PROM1: variants seen among roughly 807,000 people sequenced by gnomAD.
The protein encoded by PROM1 is prominin 1.
PROM1 carries 105 observed loss-of-function variants against 116.9 expected under a neutral mutation model. That is an observed-to-expected ratio of 0.90 (90% CI 0.77 to 1.06). The LOEUF (loss-of-function observed/expected upper bound fraction) is 1.06. Among genes scored for constraint, PROM1 ranks in the 50% least tolerant of loss-of-function variants. The pLI, the probability that PROM1 is intolerant of heterozygous loss-of-function variation, is 0.00. For synonymous variants in PROM1, 393 were observed against 387.0 expected, an observed-to-expected ratio of 1.02 and a Z score of -0.18; for missense variants, 1,122 against 1,045.2, an observed-to-expected ratio of 1.07 and a Z score of -1.01.
chr4:16,066,146 T>C (rs972775925), intron 2 of PROM1, among the ~76,000 whole-genome samples: 11 of 152,190 alleles, frequency 7.2e-5, no homozygotes, highest in Non-Finnish European at 1.3e-4. Flanking sequence ...CACAGAAGAA[T>C]ACACTTCTGC....
chr4:16,033,281 T>C, intron 5 of PROM1, 23 bp downstream of exon 5: 1 of 1,578,228 alleles, frequency 6.3e-7, no homozygotes, highest in East Asian at 2.2e-5. Context: ...ACACAATCAG[T>C]TGTTGTCCAA....
chr4:16,010,013 G>T (rs1726513547), intron 11 of PROM1, among the ~76,000 whole-genome samples: 1 of 144,610 alleles, frequency 6.9e-6, no homozygotes, highest in South Asian at 2.2e-4. Flanking sequence ...CAAACAAACA[G>T]AAAAACACAA....
At chr4:15,984,613 T>A (rs1345698388) in intron 22 of PROM1, among the ~76,000 whole-genome samples, 8 of 152,138 alleles carry the variant, frequency 5.3e-5, no homozygotes. Flanking sequence ...GCTCCTCATC[T>A]CTTATGTTAC....
chr4:15,979,332 T>TGA, intron 26 of PROM1, 63 bp downstream of exon 26: 1 of 1,609,938 alleles, frequency 6.2e-7, no homozygotes, highest in Non-Finnish European at 8.5e-7. Flanking sequence ...AATTCAGTGC[T>TGA]GATCTATAGG....
At chr4:16,033,702 G>A (rs1413103954) in intron 4 of PROM1, among the ~76,000 whole-genome samples, 193 bp from the exon 5 acceptor site, 1 of 147,808 alleles carries the variant, frequency 6.8e-6, no homozygotes, top group Non-Finnish European at 1.5e-5. Context: ...CGATTCTTGG[G>A]CCTCAGCCTC....
chr4:16,012,922 A>C (rs1389200561), intron 11 of PROM1, among the ~76,000 whole-genome samples: 1 of 151,916 alleles, frequency 6.6e-6, no homozygotes, highest in African/African-American at 2.4e-5. Context: ...TTTGTTTAGA[A>C]AATATAATAA....
chr4:16,073,512 G>A (rs1054616112), intron 2 of PROM1, among the ~76,000 whole-genome samples: 1 of 152,130 alleles, frequency 6.6e-6, no homozygotes, highest in Non-Finnish European at 1.5e-5. Context: ...GTAACTAGGT[G>A]AAAGAATACA....
chr4:16,001,288 G>A (rs1723784003), intron 13 of PROM1, among the ~76,000 whole-genome samples: 1 of 152,194 alleles, frequency 6.6e-6, no homozygotes, highest in South Asian at 2.1e-4. Flanking sequence ...GGAAAGAGAA[G>A]ATGGGCTGGA....
chr4:15,980,555 G>T lies in PROM1; in HGVS notation c.2374-18C>A. ...AACAAATTCTAGGAAAAAAAAATCA[G>T]AAGAATTAAATGTTTGAAGATAAGA... On this transcript the variant is annotated intron_variant, in intron 23 of 27. Coordinates refer to ENST00000447510, the MANE Select transcript of PROM1 (RefSeq NM_006017.3). 1 of 1,403,210 alleles carries T rather than the reference G, an allele frequency of 7.1e-7. No homozygotes were observed. The highest frequency in any genetic ancestry group is 9.7e-7 in the Non-Finnish European group (1 of 1,027,382). 86.9% of individuals were successfully genotyped at this position (1,403,210 alleles called of 1,614,324 possible). A position where few individuals can be genotyped will look rare whatever the true frequency, so the allele number is the denominator to read the frequency against.
chr4:16,050,578 T>C (rs1737636639), intron 2 of PROM1, among the ~76,000 whole-genome samples: 1 of 152,168 alleles, frequency 6.6e-6, no homozygotes, highest in Non-Finnish European at 1.5e-5. Flanking sequence ...GGTCTCGAAC[T>C]CCTGGGCTCA....
intron 2 of PROM1, among the ~76,000 whole-genome samples, chr4:16,046,378 T>C (rs2149447918): frequency 6.6e-6 from 1 of 152,352 alleles, no homozygotes; most frequent in African/African-American, 2.4e-5. Flanking sequence ...TTTGTTTTTA[T>C]GCTTTAGAAC....
intron 5 of PROM1, among the ~76,000 whole-genome samples, chr4:16,026,570 C>T (rs537268632): frequency 3.3e-5 from 5 of 152,220 alleles, no homozygotes; most frequent in East Asian, 3.9e-4. Flanking sequence ...GAGGCTTTAT[C>T]GTGCATATAA....
At chr4:16,038,861 G>A (rs1000208660) in intron 3 of PROM1, 85 bp downstream of exon 3, 1 of 1,303,710 alleles carries the variant, frequency 7.7e-7, no homozygotes. Context: ...TGAATAACTG[G>A]TTATTTAAAG....
rs1342242072 is a variant in PROM1 at position 16,033,606 on chromosome 4, T to TC, written c.304-98_304-97insG. ...AAGTTCTTTTTTTTTTTTTTTTTTTTTGAGACAGGGTCTCGCTCTGTTGCC... is the reference window on the plus strand; with the variant it reads ...AAGTTCTTTTTTTTTTTTTTTTTTTTCTGAGACAGGGTCTCGCTCTGTTGCC... On this transcript the variant is annotated intron_variant, in intron 4 of 27. Coordinates refer to ENST00000447510, the MANE Select transcript of PROM1 (RefSeq NM_006017.3). 16 of 1,124,452 alleles carry TC rather than the reference T, an allele frequency of 1.4e-5. No homozygotes were observed. The East Asian group carries it at 4.3e-4, about 30-fold the overall frequency. 69.7% of individuals were successfully genotyped at this position (1,124,452 alleles called of 1,614,324 possible).
At chr4:16,038,525 C>G (rs1034959944) in intron 3 of PROM1, among the ~76,000 whole-genome samples, 4 of 152,142 alleles carry the variant, frequency 2.6e-5, no homozygotes, top group Non-Finnish European at 5.9e-5. Flanking sequence ...GCCTCAGCCT[C>G]CCGAATACTT....
chr4:16,054,283 C>T lies in PROM1; in HGVS notation c.221-15282G>A, dbSNP rs1162025759. On this transcript the variant is annotated intron_variant, in intron 2 of 27. Transcript: ENST00000447510. ...ATCAAGTTAATCAGTCTATCTAACC[C>T]CTTTTACGCGGCCTCCATCAATTGT... Among the ~76,000 whole-genome samples, 5 of 152,132 alleles carry T rather than the reference C, an allele frequency of 3.3e-5. No individual in the cohort carries two copies. The East Asian group carries it at 9.7e-4, about 29-fold the overall frequency.
At chr4:16,010,584 G>A (rs776760805) in intron 11 of PROM1, among the ~76,000 whole-genome samples, 1 of 152,170 alleles carries the variant, frequency 6.6e-6, no homozygotes, top group African/African-American at 2.4e-5. Flanking sequence ...GCTCACTGCA[G>A]GCTCAACCTC....
chr4:16,030,846 G>T (rs1001907534), intron 5 of PROM1, among the ~76,000 whole-genome samples: 1 of 152,118 alleles, frequency 6.6e-6, no homozygotes, highest in African/African-American at 2.4e-5. Flanking sequence ...AGGAGTTTGA[G>T]ACCAGCCTGG....
At chr4:16,037,796 A>C (rs1305337310) in intron 3 of PROM1, among the ~76,000 whole-genome samples, 1 of 152,226 alleles carries the variant, frequency 6.6e-6, no homozygotes, top group African/African-American at 2.4e-5. Context: ...ACCTACAGTC[A>C]TAACACACCA....
Sources: allele counts gnomAD v4.1 joint callset (sites outside exome capture counted in the v4.1 genomes callset), GRCh38; gene constraint gnomAD v4.1.1; transcripts MANE v1.5; gene names NCBI Gene and HGNC (gene_info 2026-07-23, HGNC 2026-07-21).